The following LANCL3 variants were observed in gnomAD, a reference collection of about 807,000 sequenced individuals.
LANCL3 encodes LanC like family member 3, also known as lanC-like protein 3.
Under a neutral mutation model 26.5 loss-of-function variants are expected in LANCL3, and 19 were observed. That is an observed-to-expected ratio of 0.72 (90% CI 0.50 to 1.05). The LOEUF (loss-of-function observed/expected upper bound fraction) is 1.05, where lower values mean the gene tolerates loss of function less well. Ranked by LOEUF, LANCL3 falls within the 50% of genes least tolerant of loss-of-function variation. LANCL3 has a pLI of 0.00. For missense variants in LANCL3, 318 were observed against 362.7 expected, an observed-to-expected ratio of 0.88 and a Z score of 1.00; for synonymous variants, 160 against 166.6, an observed-to-expected ratio of 0.96 and a Z score of 0.30.
intron 1 of LANCL3, among the ~76,000 whole-genome samples, chrX:37,608,582 G>A (rs782351343): frequency 9.0e-6 from 1 of 111,696 alleles, no homozygotes; most frequent in Non-Finnish European, 1.9e-5. Context: ...GGAAGGGTCT[G>A]TTAGTAAGTT....
At position 37,683,027 on chromosome X, in the gene LANCL3, C is replaced by T. The variant is rs1392153500; in HGVS notation, c.*7214C>T. 9.0e-6 allele frequency: 1 copy of T among 111,625 alleles called. No individual in the cohort carries two copies. Among genetic ancestry groups the T allele is most frequent in the Non-Finnish European group, 1.9e-5 (1 of 53,090 alleles). The allele number at this position is 111,625 out of a possible 1,213,427, so 9.2% of individuals were successfully genotyped here. Reference sequence around the variant, plus strand: ...CGTAGAATCAAATTATTAGGGGGAGCACTTTGCAAAGCCATATACTGGTGA... The same window carrying T: ...CGTAGAATCAAATTATTAGGGGGAGTACTTTGCAAAGCCATATACTGGTGA... On this transcript the variant is annotated 3_prime_UTR_variant, in exon 5 of 5. Transcript: ENST00000378619.
chrX:37,612,960 A>G (rs888410404), intron 1 of LANCL3, among the ~76,000 whole-genome samples: 6 of 111,420 alleles, frequency 5.4e-5, no homozygotes, highest in Non-Finnish European at 9.4e-5. Context: ...CTTGCTGTCA[A>G]TTGACACTCC....
intron 1 of LANCL3, among the ~76,000 whole-genome samples, chrX:37,645,100 G>A (rs1173130085): frequency 8.9e-6 from 1 of 112,620 alleles, no homozygotes; most frequent in Non-Finnish European, 1.9e-5. Flanking sequence ...GTGACAGTTG[G>A]TGCAGACTGG....
At chrX:37,591,650 T>G (rs1254402433) in intron 1 of LANCL3, among the ~76,000 whole-genome samples, 2 of 109,769 alleles carry the variant, frequency 1.8e-5, no homozygotes, top group Non-Finnish European at 3.8e-5. Flanking sequence ...CTGTCTCATC[T>G]TGTAGGGAAG....
In LANCL3 at chrX:37,667,345, G is replaced by A; in HGVS notation, c.959G>A (p.Cys320Tyr). 1 of 1,190,252 alleles carries A rather than the reference G, an allele frequency of 8.4e-7. No individual in the cohort carries two copies. The highest frequency in any genetic ancestry group is 1.9e-5 in the South Asian group (1 of 53,151). ...VSKKPQYLDT[C>Y]IRCGELTWQK... ...AAGAAACCGCAGTACCTGGACACAT[G>A]TATTCGGTGTGGGGAACTCACATGG... Residue 320 changes from cysteine (C) to tyrosine (Y), a missense_variant, in exon 4 of 5, where the codon TGT becomes TAT. Physicochemically the swap from Cys to Tyr is radical, Grantham distance 194. Coordinates refer to ENST00000378619, the MANE Select transcript of LANCL3 (RefSeq NM_001170331.2).
At chrX:37,598,735 A>G (rs369032054) in intron 1 of LANCL3, among the ~76,000 whole-genome samples, 3 of 112,511 alleles carry the variant, frequency 2.7e-5, no homozygotes, top group African/African-American at 9.7e-5. Context: ...ACAGTCCTGA[A>G]TCACTTCTTC....
At position 37,659,462 on chromosome X, in the gene LANCL3, G is replaced by A. The variant is rs1326332012; in HGVS notation, c.698G>A (p.Gly233Glu). 2 of 1,203,770 alleles carry A rather than the reference G, an allele frequency of 1.7e-6. No homozygotes were observed. Among genetic ancestry groups the A allele is most frequent in the African/African-American group, 3.5e-5 (2 of 57,537 alleles). ...MYSYYGTEYL[G>E]AAHGLSSILQ... ...TTTTATGCCTTGTTTGTTAATACAGGGGCAGCTCACGGCTTGTCGTCTATT... is the reference window on the plus strand; with the variant it reads ...TTTTATGCCTTGTTTGTTAATACAGAGGCAGCTCACGGCTTGTCGTCTATT... Residue 233 changes from glycine to glutamate, a missense_variant and splice_region_variant, in exon 3 of 5, where the codon GGG becomes GAG. Coordinates refer to ENST00000378619, the MANE Select transcript of LANCL3 (RefSeq NM_001170331.2).
intron 1 of LANCL3, among the ~76,000 whole-genome samples, chrX:37,635,966 C>T (rs1270893168): frequency 1.8e-5 from 2 of 108,883 alleles, no homozygotes; most frequent in African/African-American, 3.3e-5. Flanking sequence ...CTCCCTCCCC[C>T]ACCCTCAAGT....
chrX:37,591,514 G>A (rs1340508595), intron 1 of LANCL3, among the ~76,000 whole-genome samples: 1 of 111,460 alleles, frequency 9.0e-6, no homozygotes, highest in African/African-American at 3.3e-5. Flanking sequence ...GTGAGATGTG[G>A]ATTAATATGG....
chrX:37,632,753 C>T (rs1233620151), intron 1 of LANCL3, among the ~76,000 whole-genome samples: 1 of 111,355 alleles, frequency 9.0e-6, no homozygotes, highest in African/African-American at 3.3e-5. Flanking sequence ...GTTGAAAATT[C>T]TTGTCTTTAA....
chrX:37,633,726 G>A (rs782798658), intron 1 of LANCL3, among the ~76,000 whole-genome samples: 52 of 111,734 alleles, frequency 4.7e-4, no homozygotes, highest in African/African-American at 1.4e-3. Context: ...TATCAGCAGC[G>A]GTGGCTGCAG....
chrX:37,644,446 GC>G (rs1337831487), intron 1 of LANCL3, among the ~76,000 whole-genome samples: 2 of 112,062 alleles, frequency 1.8e-5, no homozygotes, highest in Non-Finnish European at 3.8e-5. Context: ...TGGGTATGGT[GC>G]CAAAGGAGCC....
At chrX:37,657,783 G>C (rs1360329627) in intron 2 of LANCL3, among the ~76,000 whole-genome samples, 4 of 111,266 alleles carry the variant, frequency 3.6e-5, no homozygotes, top group Non-Finnish European at 7.5e-5. Flanking sequence ...GCAAAATAAA[G>C]ATATTTTCAC....
At chrX:37,668,264 T>TATATATATATATCCTAGTTATATATATAA (rs1926594598) in intron 4 of LANCL3, 1 of 155,567 alleles carries the variant, frequency 6.4e-6, no homozygotes, top group Non-Finnish European at 1.2e-5. Context: ...GGACTATATA[T>TATATATATATATCCTAGTTATATATATAA]ATATATATAT....
intron 3 of LANCL3, among the ~76,000 whole-genome samples, chrX:37,664,661 A>T (rs1556433379): frequency 9.0e-6 from 1 of 111,585 alleles, no homozygotes; most frequent in Non-Finnish European, 1.9e-5. Context: ...GGATTTTGTC[A>T]TGCAGGTAGT....
intron 1 of LANCL3, among the ~76,000 whole-genome samples, chrX:37,588,384 G>A (rs1314025082): frequency 3.6e-5 from 4 of 111,208 alleles, no homozygotes; most frequent in Non-Finnish European, 7.5e-5. Context: ...CACCAGTCAA[G>A]TACCATGTCT....
At position 37,682,243 on chromosome X, in the gene LANCL3, C is replaced by T. The variant is rs1926957407; in HGVS notation, c.*6430C>T. On this transcript the variant is annotated 3_prime_UTR_variant, in exon 5 of 5. Transcript: ENST00000378619. ...TCAGCCTCCCAAGTAGCTGGGACTA[C>T]AGGCGCCCGCCACTACGCCCGGCTA... 1.9e-5 allele frequency: 2 copies of T among 106,793 alleles called. No individual in the cohort carries two copies. 8.8% of individuals were successfully genotyped at this position (106,793 alleles called of 1,213,427 possible). A position where few individuals can be genotyped will look rare whatever the true frequency, so the allele number is the denominator to read the frequency against.
At chrX:37,658,628 A>T (rs781946416) in intron 2 of LANCL3, among the ~76,000 whole-genome samples, 1 of 111,976 alleles carries the variant, frequency 8.9e-6, no homozygotes, top group East Asian at 2.8e-4. Flanking sequence ...TGGCCAAGTC[A>T]AGTTGACACA....
chrX:37,605,390 A>C (rs1284619467), intron 1 of LANCL3, among the ~76,000 whole-genome samples: 2 of 112,163 alleles, frequency 1.8e-5, no homozygotes, highest in Non-Finnish European at 3.8e-5. Context: ...TTTCCTTCTT[A>C]GACCAATGCA....
Sources: allele counts gnomAD v4.1 joint callset (sites outside exome capture counted in the v4.1 genomes callset), GRCh38; gene constraint gnomAD v4.1.1; transcripts MANE v1.5; gene names NCBI Gene and HGNC (gene_info 2026-07-23, HGNC 2026-07-21).